COLEC12: variants seen among roughly 807,000 people sequenced by gnomAD.
The protein encoded by COLEC12 is collectin subfamily member 12, also known as collectin-12.
COLEC12 carries 33 observed loss-of-function variants against 71.1 expected under a neutral mutation model. The observed-to-expected ratio is 0.46, with a 90% CI of 0.35 to 0.62. COLEC12 has a LOEUF of 0.62. COLEC12 is among the 20% of genes least tolerant of loss of function. COLEC12 has a pLI of 0.00. For synonymous variants in COLEC12, 350 were observed against 353.0 expected (o/e 0.99, Z 0.10); for missense variants, 765 against 916.1 (o/e 0.84, Z 2.13).
chr18:414,340 A>C (rs113680614), intron 2 of COLEC12, among the ~76,000 whole-genome samples: 13 of 152,188 alleles, frequency 8.5e-5, no homozygotes, highest in African/African-American at 3.1e-4. Flanking sequence ...CTGTAATCCT[A>C]GCACTTTGGG....
At chr18:409,486 C>T (rs111805205) in intron 2 of COLEC12, among the ~76,000 whole-genome samples, 7,927 of 152,252 alleles carry the variant, frequency 0.052, 367 homozygotes, top group African/African-American at 0.12. Flanking sequence ...GATCACACCA[C>T]TGTACTCCAG....
intron 2 of COLEC12, among the ~76,000 whole-genome samples, chr18:446,547 A>AAG (rs1410040907): frequency 2.8e-5 from 2 of 70,594 alleles, no homozygotes; most frequent in African/African-American, 9.9e-5. Flanking sequence ...GTAAAAAAAA[A>AAG]AAAAAAATTT....
chr18:454,519 T>C (rs1916826505), intron 2 of COLEC12, among the ~76,000 whole-genome samples: 1 of 152,070 alleles, frequency 6.6e-6, no homozygotes, highest in Admixed American at 6.6e-5. Context: ...CCATCTCTAC[T>C]AAAAATACAA....
At chr18:393,573 G>C (rs1375351401) in intron 2 of COLEC12, among the ~76,000 whole-genome samples, 6 of 152,116 alleles carry the variant, frequency 3.9e-5, no homozygotes, top group African/African-American at 1.4e-4. Context: ...CCTTGAATCT[G>C]CCATGCACTT....
rs34131281 is a variant in COLEC12, at chr18:408,611, GA to G, written c.59-51090del. On this transcript the variant is annotated intron_variant, in intron 2 of 9. Transcript: ENST00000400256. This position sits in a 1 kb window ranked among gnomAD's most constrained non-coding sequence, Gnocchi z 4.3. ...AGTATTACCAAATATTGAGAAAAAGGAAAAAAAAAAAAGACAGGAAAATAAA... is the reference window on the plus strand; with the variant it reads ...AGTATTACCAAATATTGAGAAAAAGGAAAAAAAAAAAGACAGGAAAATAAA... 0.3 allele frequency among the ~76,000 whole-genome samples: 42,788 copies of G among 144,114 alleles called. 6,828 individuals are homozygous for G. The highest frequency in any genetic ancestry group is 0.49 in the South Asian group (2,285 of 4,660). 94.5% of individuals were successfully genotyped at this position (144,114 alleles called of 152,430 possible).
intron 2 of COLEC12, among the ~76,000 whole-genome samples, chr18:442,000 TCTACAC>T (rs1331701349): frequency 0.012 from 1,381 of 116,552 alleles, 15 homozygotes; most frequent in Middle Eastern, 0.032. Flanking sequence ...ACTCTCTCTC[TCTACAC>T]ACACACACAC....
At chr18:453,068 C>G (rs921170874) in intron 2 of COLEC12, among the ~76,000 whole-genome samples, 2 of 152,250 alleles carry the variant, frequency 1.3e-5, no homozygotes, top group African/African-American at 4.8e-5. Context: ...AGGAGAACTT[C>G]TGAACAACAA....
At chr18:343,901 A>T (rs1914314236) in intron 5 of COLEC12, among the ~76,000 whole-genome samples, 1 of 152,220 alleles carries the variant, frequency 6.6e-6, no homozygotes, top group African/African-American at 2.4e-5. Flanking sequence ...ATTCACTTTC[A>T]ATACTAGCTG....
chr18:349,975 G>C (rs527343754), intron 3 of COLEC12, among the ~76,000 whole-genome samples: 1 of 152,262 alleles, frequency 6.6e-6, no homozygotes, highest in Non-Finnish European at 1.5e-5. Flanking sequence ...GTCTCAGATG[G>C]GACTTTGGAC....
chr18:434,109 C>T (rs887363967), intron 2 of COLEC12, among the ~76,000 whole-genome samples: 1 of 152,156 alleles, frequency 6.6e-6, no homozygotes, highest in Non-Finnish European at 1.5e-5. Context: ...CTAGGTGAGT[C>T]ATTACGCTTA....
chr18:431,452 A>C (rs1916302879), intron 2 of COLEC12, among the ~76,000 whole-genome samples: 1 of 152,352 alleles, frequency 6.6e-6, no homozygotes, highest in Middle Eastern at 3.4e-3. Context: ...CAGATGCCTG[A>C]GACCCAACTG....
At chr18:455,749 T>C (rs1276478235) in intron 2 of COLEC12, among the ~76,000 whole-genome samples, 1 of 152,036 alleles carries the variant, frequency 6.6e-6, no homozygotes, top group Admixed American at 6.6e-5. Flanking sequence ...CATGCAGTGT[T>C]TGGTTTTCTG....
At chr18:344,830 A>T (rs1427865194) in intron 5 of COLEC12, among the ~76,000 whole-genome samples, 1 of 152,202 alleles carries the variant, frequency 6.6e-6, no homozygotes. Flanking sequence ...GCCTCTCTAG[A>T]TCATTGTGGA....
chr18:338,055 A>C (rs1489730193), intron 5 of COLEC12, among the ~76,000 whole-genome samples: 1 of 152,032 alleles, frequency 6.6e-6, no homozygotes, highest in Non-Finnish European at 1.5e-5. Context: ...ATGCAGCCCC[A>C]CCTGATCAGT....
At chr18:371,162 AAAC>A (rs933461114) in intron 2 of COLEC12, among the ~76,000 whole-genome samples, 1 of 152,194 alleles carries the variant, frequency 6.6e-6, no homozygotes, top group Non-Finnish European at 1.5e-5. Context: ...TACTTGGGGG[AAAC>A]AACACCTAAT....
In COLEC12 at chr18:488,728, C is replaced by T. The variant is rs542497246; in HGVS notation, c.8-7971G>A. Among the ~76,000 whole-genome samples the T allele has an allele frequency of 4.0e-4, 60 of 151,866 alleles. 3 individuals carry two copies. The South Asian group carries it at 0.012, about 30-fold the overall frequency. Reference sequence around the variant, plus strand: ...TCTCTACTAAAAATACAAAAATTCGCTGGGCGTGCTGGTGTGCACCTGTAA... The same window carrying T: ...TCTCTACTAAAAATACAAAAATTCGTTGGGCGTGCTGGTGTGCACCTGTAA... On this transcript the variant is annotated intron_variant, in intron 1 of 9. Coordinates refer to ENST00000400256, the MANE Select transcript of COLEC12 (RefSeq NM_130386.3).
chr18:463,605 C>T (rs995110016), intron 2 of COLEC12, among the ~76,000 whole-genome samples: 12 of 152,126 alleles, frequency 7.9e-5, no homozygotes, highest in South Asian at 4.2e-4. Flanking sequence ...GTTCTCTCCC[C>T]ACCTGACCCT....
chr18:405,190 C>A (rs530795076), intron 2 of COLEC12, among the ~76,000 whole-genome samples: 1 of 152,166 alleles, frequency 6.6e-6, no homozygotes, highest in Non-Finnish European at 1.5e-5. Context: ...CAAGACAATA[C>A]GTGCACCGCT....
At chr18:368,245 AC>A (rs1460590528) in intron 2 of COLEC12, among the ~76,000 whole-genome samples, 1 of 152,270 alleles carries the variant, frequency 6.6e-6, no homozygotes, top group African/African-American at 2.4e-5. Flanking sequence ...TTCTTCAGAC[AC>A]TAGAGATGTT....
Sources: allele counts gnomAD v4.1 joint callset (sites outside exome capture counted in the v4.1 genomes callset), GRCh38; gene constraint gnomAD v4.1.1; non-coding constraint Gnocchi (gnomAD v3.1); transcripts MANE v1.5; gene names NCBI Gene and HGNC (gene_info 2026-07-23, HGNC 2026-07-21).